The following TRIM2 variants were observed in gnomAD, a reference collection of about 807,000 sequenced individuals.
TRIM2 encodes the protein tripartite motif containing 2.
TRIM2 carries 20 observed loss-of-function variants against 75.2 expected under a neutral mutation model. The ratio of observed to expected loss-of-function variants is 0.27; its 90% CI spans 0.19 to 0.39. The LOEUF (loss-of-function observed/expected upper bound fraction) is 0.39. Among genes scored for constraint, TRIM2 ranks in the 10% least tolerant of loss-of-function variants. TRIM2 has a pLI of 1.00. For synonymous variants in TRIM2, 373 were observed against 388.3 expected, an observed-to-expected ratio of 0.96 and a Z score of 0.46; for missense variants, 660 against 990.8, an observed-to-expected ratio of 0.67 and a Z score of 4.48.
chr4:153,290,673 C>T (rs1320577021), intron 3 of TRIM2, among the ~76,000 whole-genome samples: 1 of 152,206 alleles, frequency 6.6e-6, no homozygotes, highest in East Asian at 1.9e-4. Flanking sequence ...GATACCCAGG[C>T]TGGAGTGCAG....
intron 1 of TRIM2, among the ~76,000 whole-genome samples, chr4:153,244,435 CTTTTAATTA>C (rs1483270374): frequency 2.3e-5 from 2 of 86,750 alleles, no homozygotes; most frequent in African/African-American, 1.7e-4. Context: ...TCTTCTTCTT[CTTTTAATTA>C]GAGAGGAGGC....
At position 153,295,627 on chromosome 4, in the gene TRIM2, C is replaced by G. The variant is rs1348786713; in HGVS notation, c.1101C>G (p.Ile367Met). ...GCGAGGGGCTGCGGCAGACCATCAT[C>G]GGGCAGCCCATGTCCGTCACCATCA... ...ATGEGLRQTI[I>M]GQPMSVTITT... Residue 367 changes from isoleucine (I) to methionine (M), a missense_variant, in exon 6 of 12, where the codon ATC becomes ATG. Ile to Met is a conservative substitution (Grantham distance 10, BLOSUM62 1). Coordinates refer to ENST00000338700, the MANE Select transcript of TRIM2 (RefSeq NM_015271.5). This position sits in a 1 kb window ranked among gnomAD's most constrained non-coding sequence, Gnocchi z 7.2. 6.2e-7 allele frequency: 1 copy of G among 1,613,990 alleles called. No individual in the cohort carries two copies. The highest frequency in any genetic ancestry group is 1.7e-5 in the Admixed American group (1 of 60,004).
At position 153,276,075 on chromosome 4, in the gene TRIM2, C is replaced by G. The variant is rs2150062994; in HGVS notation, c.398C>G (p.Thr133Arg). 1.9e-6 allele frequency: 3 copies of G among 1,614,240 alleles called. No individual in the cohort carries two copies. In the East Asian group the frequency reaches 6.7e-5, roughly 36 times the overall value. ...SNAEESSILE[T>R]VTAVAAGKPL... ...GCTGAGGAGTCTTCCATCCTGGAGA[C>G]AGTCACTGCTGTGGCTGCGGGAAAG... The change falls in exon 3 of 12, where the codon ACA (threonine) becomes AGA (arginine). Residue 133 changes from threonine (T) to arginine (R), a missense_variant. Coordinates refer to ENST00000338700, the MANE Select transcript of TRIM2 (RefSeq NM_015271.5).
chr4:153,198,623 G>C (rs1392416200), intron 1 of TRIM2, among the ~76,000 whole-genome samples: 2 of 152,134 alleles, frequency 1.3e-5, no homozygotes, highest in Non-Finnish European at 2.9e-5. Context: ...ACTTCACCCA[G>C]TTCCATTCAC....
At position 153,335,075 on chromosome 4, in the gene TRIM2, T is replaced by A. The variant is rs1009278871; in HGVS notation, c.*109T>A. On this transcript the variant is annotated 3_prime_UTR_variant, in exon 12 of 12. Transcript: ENST00000338700. ...GAGTTTTTATGCCAGAAGGAATCAT[T>A]GGTGAACTTTCCAAGGTTATTTCTG... The A allele has an allele frequency of 1.2e-4, 165 of 1,339,026 alleles. No homozygotes were observed. The highest frequency in any genetic ancestry group is 1.6e-4 in the Non-Finnish European group (161 of 1,034,910). The allele number at this position is 1,339,026 out of a possible 1,614,324, so 82.9% of individuals were successfully genotyped here. A position where few individuals can be genotyped will look rare whatever the true frequency, so the allele number is the denominator to read the frequency against.
chr4:153,183,270 T>C (rs5019720), intron 1 of TRIM2, among the ~76,000 whole-genome samples: 35,843 of 152,182 alleles, frequency 0.24, 4,819 homozygotes, highest in African/African-American at 0.36. Flanking sequence ...TTGTACCTGC[T>C]TTGATGATTT....
intron 1 of TRIM2, among the ~76,000 whole-genome samples, chr4:153,260,703 CACACACACA>C: frequency 1.9e-5 from 1 of 51,708 alleles, no homozygotes; most frequent in Non-Finnish European, 4.2e-5. Flanking sequence ...CCCCCCCCCA[CACACACACA>C]CACACACACA....
chr4:153,304,969 AT>A (rs1444907141), intron 6 of TRIM2, among the ~76,000 whole-genome samples: 1 of 152,232 alleles, frequency 6.6e-6, no homozygotes, highest in Non-Finnish European at 1.5e-5. Flanking sequence ...CAGGGAGATG[AT>A]TAAGAAGCTT....
At chr4:153,320,464 TA>T (rs1263202682) in intron 8 of TRIM2, among the ~76,000 whole-genome samples, 1 of 152,222 alleles carries the variant, frequency 6.6e-6, no homozygotes, top group Non-Finnish European at 1.5e-5. Context: ...GGCTAAAGCA[TA>T]ACCTATGAGA....
intron 3 of TRIM2, among the ~76,000 whole-genome samples, chr4:153,285,505 T>C (rs1276691963): frequency 1.3e-5 from 2 of 152,182 alleles, no homozygotes; most frequent in African/African-American, 2.4e-5. Flanking sequence ...AATGGATTTT[T>C]TTAAAAAAAT....
upstream of TRIM2, among the ~76,000 whole-genome samples, chr4:153,203,722 T>A (rs1240444600): frequency 6.6e-6 from 1 of 152,008 alleles, no homozygotes; most frequent in Non-Finnish European, 1.5e-5. Context: ...CGAAACCCCG[T>A]CTCTACTAAA....
chr4:153,239,241 A>G (rs2149833626), intron 1 of TRIM2, among the ~76,000 whole-genome samples: 1 of 151,916 alleles, frequency 6.6e-6, no homozygotes, highest in East Asian at 1.9e-4. Flanking sequence ...AGTCCCAGCT[A>G]CTCGGGAGGC....
chr4:153,260,641 G>T (rs1219413908), intron 1 of TRIM2, among the ~76,000 whole-genome samples: 2 of 148,240 alleles, frequency 1.3e-5, no homozygotes, highest in African/African-American at 2.5e-5. Flanking sequence ...TAAAGGGGAT[G>T]GCTTCTGAAT....
intron 1 of TRIM2, among the ~76,000 whole-genome samples, chr4:153,252,153 A>T (rs1053344195): frequency 2.6e-5 from 4 of 152,190 alleles, no homozygotes; most frequent in African/African-American, 9.7e-5. Context: ...AATCAGAGAC[A>T]CAGAAAATGA....
intron 1 of TRIM2, among the ~76,000 whole-genome samples, chr4:153,212,195 T>C (rs1737222488): frequency 6.6e-6 from 1 of 152,168 alleles, no homozygotes; most frequent in Non-Finnish European, 1.5e-5. Flanking sequence ...CACCATGGAA[T>C]ACTACTCAGC....
At chr4:153,180,570 C>T (rs1731949001) in intron 1 of TRIM2, among the ~76,000 whole-genome samples, 3 of 152,224 alleles carry the variant, frequency 2.0e-5, no homozygotes, top group South Asian at 2.1e-4. Context: ...CTCCACCTCC[C>T]GGGTTCAAGT....
chr4:153,221,609 A>G (rs1740020318), intron 1 of TRIM2, among the ~76,000 whole-genome samples: 1 of 152,194 alleles, frequency 6.6e-6, no homozygotes, highest in Non-Finnish European at 1.5e-5. Context: ...AAGGCCCTTG[A>G]AAGTAGACTC....
At chr4:153,273,270 C>CATTTTTTTTTTTTTTTTTTTTTTT (rs1757187818) in intron 2 of TRIM2, among the ~76,000 whole-genome samples, 4 of 57,392 alleles carry the variant, frequency 7.0e-5, no homozygotes, top group African/African-American at 2.8e-4. Flanking sequence ...TACAGTCACT[C>CATTTTTTTTTTTTTTTTTTTTTTT]TTTTTTTTTT....
chr4:153,204,710 T>C (rs1734915691), intron 1 of TRIM2, 150 bp downstream of exon 1: 2 of 1,102,812 alleles, frequency 1.8e-6, no homozygotes, highest in Middle Eastern at 2.0e-4. Flanking sequence ...TGGGATTTGC[T>C]GACAAAGCTC....
Sources: allele counts gnomAD v4.1 joint callset (sites outside exome capture counted in the v4.1 genomes callset), GRCh38; gene constraint gnomAD v4.1.1; non-coding constraint Gnocchi (gnomAD v3.1); transcripts MANE v1.5; gene names NCBI Gene and HGNC (gene_info 2026-07-23, HGNC 2026-07-21).